Variants in MACROD2 observed in about 807,000 individuals in gnomAD.
MACROD2 encodes the protein ADP-ribose glycohydrolase MACROD2.
MACROD2 carries 36 observed loss-of-function variants against 70.4 expected under a neutral mutation model. The observed-to-expected ratio is 0.51, with a 90% CI of 0.39 to 0.68. The LOEUF (loss-of-function observed/expected upper bound fraction) is 0.68. Ranked by LOEUF, MACROD2 falls within the 30% of genes least tolerant of loss-of-function variation. MACROD2 has a pLI of 0.00. For synonymous variants in MACROD2, 172 were observed against 178.8 expected, an observed-to-expected ratio of 0.96 and a Z score of 0.30; for missense variants, 496 against 538.4, an observed-to-expected ratio of 0.92 and a Z score of 0.78.
chr20:15,395,382 T>A (rs1047951359), intron 6 of MACROD2, among the ~76,000 whole-genome samples: 1 of 152,254 alleles, frequency 6.6e-6, no homozygotes, highest in Non-Finnish European at 1.5e-5. Flanking sequence ...ATTATTTTTC[T>A]TTTTTGAAAC....
intron 3 of MACROD2, among the ~76,000 whole-genome samples, chr20:14,483,874 G>A (rs1005013869): frequency 6.6e-6 from 1 of 152,180 alleles, no homozygotes; most frequent in Non-Finnish European, 1.5e-5. Context: ...AACATGAAAA[G>A]AAAGTGGTTA....
At chr20:14,428,059 T>C (rs1319830101) in intron 3 of MACROD2, among the ~76,000 whole-genome samples, 1 of 152,142 alleles carries the variant, frequency 6.6e-6, no homozygotes, top group Non-Finnish European at 1.5e-5. Flanking sequence ...AATAATGATA[T>C]CATATGAGGC....
chr20:14,911,552 C>G (rs765045308), intron 5 of MACROD2, among the ~76,000 whole-genome samples: 14 of 151,140 alleles, frequency 9.3e-5, no homozygotes, highest in Non-Finnish European at 1.2e-4. Flanking sequence ...AACTTTTAAA[C>G]TTTTTTTTTA....
chr20:14,281,626 G>C (rs1404760833), intron 3 of MACROD2, among the ~76,000 whole-genome samples: 1 of 152,008 alleles, frequency 6.6e-6, no homozygotes, highest in African/African-American at 2.4e-5. Flanking sequence ...TGGTATGTGA[G>C]TTATATCTCA....
intron 4 of MACROD2, among the ~76,000 whole-genome samples, chr20:14,541,070 T>A (rs1001707389): frequency 1.3e-5 from 2 of 152,212 alleles, no homozygotes; most frequent in Non-Finnish European, 2.9e-5. Flanking sequence ...TAAATCATAT[T>A]ACATCTTAAT....
chr20:15,183,451 A>G (rs2076513964), intron 5 of MACROD2, among the ~76,000 whole-genome samples: 1 of 152,172 alleles, frequency 6.6e-6, no homozygotes, highest in South Asian at 2.1e-4. Context: ...GCTTGATCCC[A>G]GGAGTCTGAG....
intron 3 of MACROD2, among the ~76,000 whole-genome samples, chr20:14,235,200 A>G (rs1220504199): frequency 6.6e-6 from 1 of 152,236 alleles, no homozygotes; most frequent in Non-Finnish European, 1.5e-5. Context: ...GATAAAATTT[A>G]TATTATGAAC....
At chr20:15,259,428 CT>C (rs2077228850) in intron 6 of MACROD2, among the ~76,000 whole-genome samples, 2 of 151,954 alleles carry the variant, frequency 1.3e-5, no homozygotes, top group Non-Finnish European at 2.9e-5. Context: ...GTTGTATTTA[CT>C]TTTGTAACAG....
intron 5 of MACROD2, among the ~76,000 whole-genome samples, chr20:14,861,153 G>A (rs1320697251): frequency 2.0e-5 from 3 of 152,050 alleles, no homozygotes; most frequent in Non-Finnish European, 4.4e-5. Flanking sequence ...CAGCATTGAG[G>A]GAACTGACAC....
chr20:15,616,213 C>T (rs1349088586), intron 8 of MACROD2, among the ~76,000 whole-genome samples: 1 of 150,136 alleles, frequency 6.7e-6, no homozygotes, highest in Non-Finnish European at 1.5e-5. Context: ...AAGTGATTCT[C>T]GTGCCTCAGC....
chr20:14,520,492 A>T (rs201614268), intron 4 of MACROD2, among the ~76,000 whole-genome samples: 14 of 144,890 alleles, frequency 9.7e-5, no homozygotes, highest in Non-Finnish European at 1.2e-4. Flanking sequence ...TTTTGTTATT[A>T]TTTTTTTTTT....
intron 3 of MACROD2, among the ~76,000 whole-genome samples, chr20:14,098,363 T>G (rs2054256448): frequency 6.6e-6 from 1 of 152,202 alleles, no homozygotes; most frequent in African/African-American, 2.4e-5. Context: ...ATGACATTCT[T>G]GTAATTTGTA....
chr20:14,485,656 G>C (rs539246492), intron 3 of MACROD2, among the ~76,000 whole-genome samples: 12 of 104,994 alleles, frequency 1.1e-4, no homozygotes, highest in Admixed American at 3.5e-4. Flanking sequence ...AGCCGAGATC[G>C]TGCCACTTGC....
intron 13 of MACROD2, 51 bp from the exon 14 acceptor site, chr20:15,986,676 A>G: frequency 1.4e-6 from 2 of 1,408,262 alleles, no homozygotes; most frequent in Admixed American, 1.8e-5. Flanking sequence ...GAATAAAGCT[A>G]CGGTCATGCA....
At chr20:14,177,053 C>G (rs2081268203) in intron 3 of MACROD2, among the ~76,000 whole-genome samples, 2 of 152,166 alleles carry the variant, frequency 1.3e-5, no homozygotes, top group African/African-American at 4.8e-5. Context: ...GACTTCCCCT[C>G]TTTGTATACA....
At chr20:15,395,128 AAAT>A (rs2045843777) in intron 6 of MACROD2, among the ~76,000 whole-genome samples, 2 of 152,214 alleles carry the variant, frequency 1.3e-5, no homozygotes, top group Non-Finnish European at 2.9e-5. Context: ...TATCACAGTA[AAAT>A]CCTGGAAAAG....
intron 8 of MACROD2, among the ~76,000 whole-genome samples, chr20:15,813,092 A>G (rs1218223093): frequency 3.9e-5 from 6 of 152,126 alleles, no homozygotes; most frequent in Admixed American, 3.3e-4. Flanking sequence ...CTATGTCTTT[A>G]TTTCAGTGTA....
intron 8 of MACROD2, among the ~76,000 whole-genome samples, chr20:15,796,368 T>C (rs1164616920): frequency 6.6e-6 from 1 of 152,224 alleles, no homozygotes; most frequent in Non-Finnish European, 1.5e-5. Flanking sequence ...ATTTTGAACT[T>C]TCCTACCACA....
intron 3 of MACROD2, among the ~76,000 whole-genome samples, chr20:14,245,545 C>T (rs1013724363): frequency 2.0e-5 from 3 of 152,122 alleles, no homozygotes; most frequent in Non-Finnish European, 2.9e-5. Flanking sequence ...GCATAGAACT[C>T]AGGTCTGAGG....
Sources: allele counts gnomAD v4.1 joint callset (sites outside exome capture counted in the v4.1 genomes callset), GRCh38; gene constraint gnomAD v4.1.1; transcripts MANE v1.5; gene names NCBI Gene and HGNC (gene_info 2026-07-23, HGNC 2026-07-21).